CPD: variants seen among roughly 807,000 people sequenced by gnomAD.
CPD encodes metallocarboxypeptidase D.
In CPD, 69 loss-of-function variants were observed where a neutral mutation model predicts 138.3. That is an observed-to-expected ratio of 0.50 (90% CI 0.41 to 0.61). CPD has a LOEUF of 0.61. CPD is among the 20% of genes least tolerant of loss of function. CPD has a pLI of 0.00. For synonymous variants in CPD, 651 were observed against 642.1 expected, an observed-to-expected ratio of 1.01 and a Z score of -0.21; for missense variants, 1,432 against 1,733.3, an observed-to-expected ratio of 0.83 and a Z score of 3.09.
In CPD at chr17:30,445,909, GCTC is replaced by G. The variant is rs1913016779; in HGVS notation, c.2769_2771del (p.Ser924del). On this transcript the variant is annotated inframe_deletion, in exon 12 of 21. Transcript: ENST00000225719. ...AATGGTTTGGAAAGCCTCATGTTAC[GCTC>G]CTCCTCAAATCTGGCTCTGGCTCTT... 1.7e-5 allele frequency: 28 copies of G among 1,614,064 alleles called. No individual in the cohort carries two copies. The highest frequency in any genetic ancestry group is 2.4e-5 in the Non-Finnish European group (28 of 1,179,988).
intron 4 of CPD, 27 bp from the exon 5 acceptor site, chr17:30,422,647 A>G (rs1169182960): frequency 2.7e-6 from 4 of 1,489,016 alleles, no homozygotes; most frequent in Admixed American, 2.0e-5. Flanking sequence ...ACTATAAACC[A>G]TTTACTTTTT....
At position 30,402,044 on chromosome 17, in the gene CPD, CT is replaced by C. The variant is rs555684565; in HGVS notation, c.994+16816del. 1.7e-3 allele frequency among the ~76,000 whole-genome samples: 238 copies of C among 144,116 alleles called. 2 individuals carry two copies. Among genetic ancestry groups the C allele is most frequent in the African/African-American group, 5.9e-3 (230 of 38,908 alleles). The allele number at this position is 144,116 out of a possible 152,430, so 94.5% of individuals were successfully genotyped here. A position where few individuals can be genotyped will look rare whatever the true frequency, so the allele number is the denominator to read the frequency against. On this transcript the variant is annotated intron_variant, in intron 2 of 20. Transcript: ENST00000225719. ...GCTATTGTTCTTAAAATTTTTTCTT[CT>C]TTTTTTTCAGATCTTTTTTTCTTCT...
intron 2 of CPD, among the ~76,000 whole-genome samples, chr17:30,386,721 A>G (rs1459490540): frequency 6.6e-6 from 1 of 152,188 alleles, no homozygotes; most frequent in Non-Finnish European, 1.5e-5. Context: ...TTCCTTTTGC[A>G]TCAGGCTTAT....
chr17:30,412,715 G>A (rs1416945433), intron 2 of CPD, among the ~76,000 whole-genome samples: 1 of 152,122 alleles, frequency 6.6e-6, no homozygotes, highest in Admixed American at 6.5e-5. Flanking sequence ...CTGGTCTGCT[G>A]GTTGCTAAGA....
intron 14 of CPD, among the ~76,000 whole-genome samples, chr17:30,452,473 T>C (rs1913192215): frequency 6.6e-6 from 1 of 151,090 alleles, no homozygotes; most frequent in Admixed American, 6.6e-5. Context: ...GGTTTTATCA[T>C]GTTGACCAGG....
intron 2 of CPD, among the ~76,000 whole-genome samples, chr17:30,388,256 T>C (rs1911249390): frequency 1.3e-5 from 2 of 152,152 alleles, no homozygotes; most frequent in South Asian, 4.1e-4. Flanking sequence ...TCTATGGGAC[T>C]GGCAGCCTGG....
intron 2 of CPD, among the ~76,000 whole-genome samples, chr17:30,392,284 AC>A (rs1911379744): frequency 1.3e-5 from 2 of 152,198 alleles, no homozygotes; most frequent in South Asian, 4.1e-4. Context: ...TGCTAGGATT[AC>A]AGGCATGAGC....
rs575547480 is a variant in CPD, at chr17:30,425,996, C to G, written c.1850-1395C>G. 2.0e-5 allele frequency among the ~76,000 whole-genome samples: 3 copies of G among 151,920 alleles called. No individual in the cohort carries two copies. The South Asian group carries it at 6.2e-4, about 32-fold the overall frequency. The stretch of plus-strand genomic sequence containing the variant: ...TGGGTGGATCACGAGGTCAGGAGTT[C>G]GAGACCAGCCTGGCCAACATGGTGA... On this transcript the variant is annotated intron_variant, in intron 6 of 20. Coordinates refer to ENST00000225719, the MANE Select transcript of CPD (RefSeq NM_001304.5).
At chr17:30,452,331 T>G (rs1434245730) in intron 14 of CPD, among the ~76,000 whole-genome samples, 1 of 150,526 alleles carries the variant, frequency 6.6e-6, no homozygotes, top group African/African-American at 2.5e-5. Flanking sequence ...CAGGCTGGAG[T>G]GCAATGGTAC....
intron 1 of CPD, among the ~76,000 whole-genome samples, chr17:30,383,666 A>G (rs1911109454): frequency 6.6e-6 from 1 of 151,896 alleles, no homozygotes; most frequent in Admixed American, 6.6e-5. Flanking sequence ...TCATTGTTTG[A>G]TCTTCTCTGG....
intron 6 of CPD, among the ~76,000 whole-genome samples, chr17:30,424,441 G>C (rs1239772758): frequency 6.6e-6 from 1 of 152,244 alleles, no homozygotes; most frequent in Non-Finnish European, 1.5e-5. Flanking sequence ...GCCTGAACCA[G>C]TCTTTCAGGT....
rs770854795 is a variant in CPD at position 30,445,610 on chromosome 17, C to T, written c.2544-81C>T. ...ACCACATTTATCCCAAGGATTCTTA[C>T]GTTCTCTGCACACCTGCCTTCCCAG... On this transcript the variant is annotated intron_variant, in intron 11 of 20. Coordinates refer to ENST00000225719, the MANE Select transcript of CPD (RefSeq NM_001304.5). The T allele has an allele frequency of 2.6e-4, 255 of 968,376 alleles. 1 individual carries two copies. Among genetic ancestry groups the T allele is most frequent in the Non-Finnish European group, 3.3e-4 (222 of 663,804 alleles). The allele number at this position is 968,376 out of a possible 1,614,324, so 60.0% of individuals were successfully genotyped here. A position where few individuals can be genotyped will look rare whatever the true frequency, so the allele number is the denominator to read the frequency against.
At chr17:30,416,822 G>A (rs1414978180) in intron 2 of CPD, among the ~76,000 whole-genome samples, 2 of 152,078 alleles carry the variant, frequency 1.3e-5, no homozygotes, top group East Asian at 3.9e-4. Flanking sequence ...AATTTTCTAG[G>A]CCGGGCGCGG....
intron 6 of CPD, among the ~76,000 whole-genome samples, chr17:30,425,083 G>A (rs1400797582): frequency 6.6e-6 from 1 of 151,888 alleles, no homozygotes; most frequent in East Asian, 1.9e-4. Context: ...TCTGAAAGGT[G>A]GAACTAATTA....
intron 2 of CPD, among the ~76,000 whole-genome samples, chr17:30,385,503 T>C (rs1567864367): frequency 2.1e-5 from 2 of 94,370 alleles, no homozygotes; most frequent in Admixed American, 2.0e-4. Context: ...TGTATGTGCA[T>C]GCACACACAC....
At chr17:30,453,542 A>G (rs1339866701) in intron 14 of CPD, among the ~76,000 whole-genome samples, 1 of 152,118 alleles carries the variant, frequency 6.6e-6, no homozygotes, top group Non-Finnish European at 1.5e-5. Flanking sequence ...ACCAGCTGGC[A>G]TTGAGTGTCT....
chr17:30,396,386 A>AT (rs1911507913), intron 2 of CPD, among the ~76,000 whole-genome samples: 1 of 152,008 alleles, frequency 6.6e-6, no homozygotes, highest in African/African-American at 2.4e-5. Context: ...AAAAAAAAAA[A>AT]CAAAAAAAAC....
Position 30,425,586 on chromosome 17 carries a change from G to T in CPD, c.1850-1805G>T, listed in dbSNP as rs146023585. ...CACAAGAATTGCTTTAACCTGGGAG[G>T]TGGAGGTAGCAGTGAGCCGAGATGG... is the stretch of plus-strand genomic sequence containing the variant. On this transcript the variant is annotated intron_variant, in intron 6 of 20. Transcript: ENST00000225719. Among the ~76,000 whole-genome samples the T allele has an allele frequency of 9.2e-5, 14 of 151,574 alleles. 1 individual carries two copies. In the East Asian group the frequency reaches 2.5e-3, roughly 27 times the overall value.
intron 1 of CPD, chr17:30,380,596 C>G: frequency 6.6e-7 from 1 of 1,507,834 alleles, no homozygotes; most frequent in Non-Finnish European, 8.8e-7. Flanking sequence ...GAAGGAGGAC[C>G]TCAAGAAATT....
Sources: gnomAD v4.1 joint callset for allele counts (sites outside exome capture counted in the v4.1 genomes callset) on GRCh38, gnomAD v4.1.1 for gene constraint, MANE v1.5 for transcripts, NCBI Gene and HGNC (gene_info 2026-07-23, HGNC 2026-07-21) for gene names.